LRRK1: variants seen among roughly 807,000 people sequenced by gnomAD.
The protein encoded by LRRK1 is leucine rich repeat kinase 1.
LRRK1 carries 113 observed loss-of-function variants against 209.1 expected under a neutral mutation model. That is an observed-to-expected ratio of 0.54 (90% confidence interval 0.46 to 0.63). The LOEUF (loss-of-function observed/expected upper bound fraction) is 0.63. Among genes scored for constraint, LRRK1 ranks in the 30% least tolerant of loss-of-function variants. LRRK1 has a pLI of 0.00. For synonymous variants in LRRK1, 1,144 were observed against 1,099.7 expected (o/e 1.04, Z -0.80); for missense variants, 2,284 against 2,632.2 (o/e 0.87, Z 2.89).
At chr15:101,068,143 G>A (rs779515165) in intron 33 of LRRK1, among the ~76,000 whole-genome samples, 1 of 152,212 alleles carries the variant, frequency 6.6e-6, no homozygotes, top group African/African-American at 2.4e-5. Context: ...CACACCCACC[G>A]ATCCTGCAAA....
At chr15:101,029,312 C>A in intron 20 of LRRK1, 80 bp downstream of exon 20, 1 of 1,392,970 alleles carries the variant, frequency 7.2e-7, no homozygotes, top group Non-Finnish European at 9.7e-7. Flanking sequence ...CACTGGTGGC[C>A]TGAACAAGAT....
intron 2 of LRRK1, among the ~76,000 whole-genome samples, chr15:100,955,994 A>C (rs2042748645): frequency 6.6e-6 from 1 of 152,170 alleles, no homozygotes; most frequent in African/African-American, 2.4e-5. Flanking sequence ...AGGTATTGCT[A>C]ATCTTGTAAA....
At chr15:100,989,539 C>T in intron 6 of LRRK1, 141 bp downstream of exon 6, 1 of 823,692 alleles carries the variant, frequency 1.2e-6, no homozygotes, top group Non-Finnish European at 1.9e-6. Context: ...GAGCATAGTG[C>T]TGGTATCTGG....
intron 3 of LRRK1, among the ~76,000 whole-genome samples, chr15:100,979,712 G>T (rs756608918): frequency 6.6e-6 from 1 of 152,066 alleles, no homozygotes; most frequent in Non-Finnish European, 1.5e-5. Context: ...AATATATAAA[G>T]AACTCTCAGA....
Position 100,988,798 on chromosome 15 carries a change from G to T in LRRK1, c.598G>T (p.Ala200Ser), listed in dbSNP as rs747840699. Reference sequence around the variant, plus strand: ...TGTCATCGTGCGCTTGCCCCTGTATGCGGCCATCAAGTCAGGTGGGTTTCC... The same window carrying T: ...TGTCATCGTGCGCTTGCCCCTGTATTCGGCCATCAAGTCAGGTGGGTTTCC... ...FPVIVRLPLY[A>S]AIKSGNEDIA... is the part of the protein sequence containing the mutation. Residue 200 changes from alanine to serine, a missense_variant, in exon 5 of 34, where the codon GCG (alanine) becomes TCG (serine). By Grantham distance (99) the Ala-to-Ser change is moderately conservative. Coordinates refer to ENST00000388948, the MANE Select transcript of LRRK1 (RefSeq NM_024652.6). 1.2e-6 allele frequency: 2 copies of T among 1,603,788 alleles called. No homozygotes were observed. Among genetic ancestry groups the T allele is most frequent in the South Asian group, 2.2e-5 (2 of 90,282 alleles).
intron 2 of LRRK1, among the ~76,000 whole-genome samples, chr15:100,967,172 G>A (rs1381013759): frequency 1.3e-5 from 2 of 152,196 alleles, no homozygotes; most frequent in African/African-American, 4.8e-5. Context: ...CCTCTGGCCT[G>A]CTCTCACATG....
chr15:101,061,162 C>CATTT lies in LRRK1; in HGVS notation c.4680-8_4680-7insTTTA, dbSNP rs1567283083. The CATTT allele has an allele frequency of 3.7e-6, 6 of 1,601,910 alleles. No individual in the cohort carries two copies. Among genetic ancestry groups the CATTT allele is most frequent in the South Asian group, 1.1e-5 (1 of 90,802 alleles). ...CGGGCACTGACAGCACAGTTTCTGC[C>CATTT]ACTTACAGGAACTACACGGTGGTGA... is the stretch of plus-strand genomic sequence containing the variant. On this transcript the variant is annotated splice_polypyrimidine_tract_variant and intron_variant, in intron 29 of 33. Transcript: ENST00000388948.
intron 29 of LRRK1, among the ~76,000 whole-genome samples, chr15:101,060,877 G>T (rs566561021): frequency 6.6e-6 from 1 of 152,256 alleles, no homozygotes; most frequent in African/African-American, 2.4e-5. Context: ...TAACAGGGGC[G>T]GGCAGGATAT....
chr15:101,012,170 T>C (rs754381999), intron 10 of LRRK1, 25 bp downstream of exon 10: 1 of 1,573,428 alleles, frequency 6.4e-7, no homozygotes, highest in Non-Finnish European at 8.6e-7. Flanking sequence ...CCTTTCTTTC[T>C]CATTTTCGGC....
chr15:101,041,849 C>A (rs540733552), intron 20 of LRRK1, among the ~76,000 whole-genome samples: 1 of 152,172 alleles, frequency 6.6e-6, no homozygotes, highest in East Asian at 1.9e-4. Flanking sequence ...AAGTGATTAA[C>A]AACACATAGA....
rs1415055659 is a variant in LRRK1, at chr15:101,009,183, AG to A, written c.989+121del. ...GGAAAAATGTTCTGGCTAAAATAGGAGAAGGAGTTTTGCCTACCCTGAGGCA... is the reference window on the plus strand; with the variant it reads ...GGAAAAATGTTCTGGCTAAAATAGGAAAGGAGTTTTGCCTACCCTGAGGCA... On this transcript the variant is annotated intron_variant, in intron 7 of 33. Coordinates refer to ENST00000388948, the MANE Select transcript of LRRK1 (RefSeq NM_024652.6). The A allele has an allele frequency of 3.6e-5, 29 of 795,922 alleles. No homozygotes were observed. The Admixed American group carries it at 7.2e-4, about 20-fold the overall frequency. The allele number at this position is 795,922 out of a possible 1,614,324, so 49.3% of individuals were successfully genotyped here.
chr15:101,032,545 T>C (rs1304607304), intron 20 of LRRK1, among the ~76,000 whole-genome samples: 3 of 152,184 alleles, frequency 2.0e-5, no homozygotes, highest in Non-Finnish European at 4.4e-5. Context: ...GTGTGATTAT[T>C]GCTTTTTATG....
At chr15:100,993,237 T>C (rs538753140) in intron 6 of LRRK1, among the ~76,000 whole-genome samples, 1 of 152,350 alleles carries the variant, frequency 6.6e-6, no homozygotes, top group Admixed American at 6.5e-5. Context: ...TATTTCTTCC[T>C]CCTTTTTCTC....
Position 101,051,826 on chromosome 15 carries a change from G to A in LRRK1, c.3555G>A (p.Val1185=), listed in dbSNP as rs1246256596. 1.2e-6 allele frequency: 2 copies of A among 1,614,150 alleles called. No individual in the cohort carries two copies. Among genetic ancestry groups the A allele is most frequent in the East Asian group, 4.5e-5 (2 of 44,888 alleles). The change falls in exon 24 of 34, where the codon GTG becomes GTA. Residue 1185 remains valine (V), a synonymous_variant. Coordinates refer to ENST00000388948, the MANE Select transcript of LRRK1 (RefSeq NM_024652.6). ...HTDPSEKSED[V]QYFDMEDCVL... ...ACCCCAGTGAGAAATCAGAGGATGTGCAGTACTTCGACATGGAAGACTGTG... is the reference window on the plus strand; with the variant it reads ...ACCCCAGTGAGAAATCAGAGGATGTACAGTACTTCGACATGGAAGACTGTG...
At chr15:101,058,860 C>T (rs993899287) in intron 29 of LRRK1, among the ~76,000 whole-genome samples, 7 of 151,606 alleles carry the variant, frequency 4.6e-5, no homozygotes, top group African/African-American at 7.3e-5. Flanking sequence ...CCAGACAAGA[C>T]GTGCTTGCCG....
rs1226978266 is a variant in LRRK1, at chr15:101,027,835, G to C, written c.2686+38G>C. On this transcript the variant is annotated intron_variant, in intron 19 of 33. Coordinates refer to ENST00000388948, the MANE Select transcript of LRRK1 (RefSeq NM_024652.6). The surrounding 1 kb of genome is among the most constrained non-coding windows in gnomAD (Gnocchi z 5.1). Reference sequence around the variant, plus strand: ...GGGGTAGGTGGCAGGGTGCCCGTGAGAAATGGAACTGTCTGTACTTGCTAA... The same window carrying C: ...GGGGTAGGTGGCAGGGTGCCCGTGACAAATGGAACTGTCTGTACTTGCTAA... 6.6e-7 allele frequency: 1 copy of C among 1,524,204 alleles called. No individual in the cohort carries two copies. The highest frequency in any genetic ancestry group is 2.4e-5 in the East Asian group (1 of 41,124). 94.4% of individuals were successfully genotyped at this position (1,524,204 alleles called of 1,614,324 possible).
rs777092178 is a variant in LRRK1, at chr15:101,065,537, C to T, written c.5100C>T (p.Asn1700=). 15 of 1,614,206 alleles carry T rather than the reference C, an allele frequency of 9.3e-6. 1 individual carries two copies. In the South Asian group the frequency reaches 1.4e-4, roughly 15 times the overall value. The change falls in exon 32 of 34, where the codon AAC becomes AAT. Residue 1700 remains asparagine, a synonymous_variant. Transcript: ENST00000388948. ...CAGTGAAGGCCATGGAGGTGGTCAA[C>T]AGCGGCTCTGAGGTCTGGTACAGCA... ...PYPVKAMEVV[N]SGSEVWYSNG... is the part of the protein sequence containing the mutation.
Position 101,007,901 on chromosome 15 carries a change from A to G in LRRK1, c.763-936A>G, listed in dbSNP as rs145537129. Reference sequence around the variant, plus strand: ...AGAAGTGGCTCATGCCTGTAATTGCAGCACTTTGGGAGGCCAAGGTGGGTG... The same window carrying G: ...AGAAGTGGCTCATGCCTGTAATTGCGGCACTTTGGGAGGCCAAGGTGGGTG... On this transcript the variant is annotated intron_variant, in intron 6 of 33. Transcript: ENST00000388948. Among the ~76,000 whole-genome samples, 701 of 152,248 alleles carry G rather than the reference A, an allele frequency of 4.6e-3. 3 individuals carry two copies. The highest frequency in any genetic ancestry group is 0.01 in the Middle Eastern group (3 of 294).
In LRRK1 at chr15:101,010,520, C is replaced by G. The variant is rs2033179466; in HGVS notation, c.1060C>G (p.Leu354Val). The change falls in exon 8 of 34, where the codon CTT becomes GTT. Residue 354 changes from leucine (L) to valine (V), a missense_variant. Around this residue, in one of 6 missense-constraint regions of LRRK1, gnomAD observed 494 missense variants for 522.1 expected, o/e 0.95. Coordinates refer to ENST00000388948, the MANE Select transcript of LRRK1 (RefSeq NM_024652.6). The stretch of plus-strand genomic sequence containing the variant: ...TCCTGGATTCTTGCACCTCTCAAAA[C>G]TTCAAAAACTGACAGCTTCAAAAAA... The part of the protein sequence containing the change: ...LPPGFLHLSK[L>V]QKLTASKNCL... 6.2e-7 allele frequency: 1 copy of G among 1,612,282 alleles called. No homozygotes were observed. The highest frequency in any genetic ancestry group is 8.5e-7 in the Non-Finnish European group (1 of 1,179,634).
Sources: gnomAD v4.1 joint callset for allele counts (sites outside exome capture counted in the v4.1 genomes callset) on GRCh38, gnomAD v4.1.1 for gene constraint, gnomAD v4.1.1 regional missense constraint, Gnocchi (gnomAD v3.1) non-coding constraint, MANE v1.5 for transcripts, NCBI Gene and HGNC (gene_info 2026-07-23, HGNC 2026-07-21) for gene names.